The following CC2D1B variants were observed in gnomAD, a reference collection of about 807,000 sequenced individuals.
CC2D1B encodes coiled-coil and C2 domain containing 1B.
A neutral mutation model predicts 110.8 loss-of-function variants in CC2D1B; 92 were observed. The ratio of observed to expected loss-of-function variants is 0.83; its 90% confidence interval spans 0.70 to 0.99. CC2D1B has a LOEUF of 0.99. CC2D1B is among the 50% of genes least tolerant of loss of function. CC2D1B has a pLI of 0.00. For missense variants in CC2D1B, 1,136 were observed against 1,089.0 expected, an observed-to-expected ratio of 1.04 and a Z score of -0.61; for synonymous variants, 406 against 429.2, an observed-to-expected ratio of 0.95 and a Z score of 0.67.
chr1:52,353,381 G>A (rs1311377252), intron 24 of CC2D1B, 137 bp downstream of exon 24: 2 of 1,515,950 alleles, frequency 1.3e-6, no homozygotes, highest in Non-Finnish European at 8.8e-7. Flanking sequence ...CAGAAACTCA[G>A]CCCATAAGCC....
chr1:52,364,519 C>G (rs769001446), intron 2 of CC2D1B, 33 bp downstream of exon 2: 1 of 1,514,424 alleles, frequency 6.6e-7, no homozygotes, highest in Non-Finnish European at 9.0e-7. Flanking sequence ...ATCCCCAAAC[C>G]GACCCAGTAG....
chr1:52,354,621 C>A lies in CC2D1B; in HGVS notation c.2417G>T (p.Arg806Ile). 6.2e-7 allele frequency: 1 copy of A among 1,614,234 alleles called. No homozygotes were observed. Among genetic ancestry groups the A allele is most frequent in the Non-Finnish European group, 8.5e-7 (1 of 1,180,042 alleles). Reference sequence around the variant, plus strand: ...CCCAGCCCCTACCTCCACAATTTCTCTGATCTCACACTCATTCTCCAGCCG... The same window carrying A: ...CCCAGCCCCTACCTCCACAATTTCTATGATCTCACACTCATTCTCCAGCCG... ...LERLENECEI[R>I]EIVEVLDGRK... Residue 806 changes from arginine (R) to isoleucine (I), a missense_variant, in exon 23 of 25, where the codon AGA becomes ATA. Coordinates refer to ENST00000284376, the MANE Select transcript of CC2D1B (RefSeq NM_001330585.2).
At chr1:52,355,266 G>T in intron 21 of CC2D1B, 132 bp downstream of exon 21, 1 of 922,178 alleles carries the variant, frequency 1.1e-6, no homozygotes, top group Non-Finnish European at 1.7e-6. Context: ...TACAGAAGAA[G>T]CATGTTAACA....
rs755076990 is a variant in CC2D1B, at chr1:52,357,046, C to T, written c.1833G>A (p.Glu611=). Residue 611 remains glutamate (E), a synonymous_variant, in exon 16 of 25, where the codon GAG becomes GAA. Transcript: ENST00000284376. The stretch of plus-strand genomic sequence containing the variant: ...TTTTTTGCAGCTGGGCATACACCTC[C>T]TCCGCCTTCTGGGAGAGTCGCAGGT... ...HEDLRLSQKA[E]EVYAQLQKML... 4 of 1,595,402 alleles carry T rather than the reference C, an allele frequency of 2.5e-6. No individual in the cohort carries two copies. Among genetic ancestry groups the T allele is most frequent in the South Asian group, 2.3e-5 (2 of 88,468 alleles).
rs955555342 is a variant in CC2D1B at position 52,351,115 on chromosome 1, C to G, written c.*2110G>C. Reference sequence around the variant, plus strand: ...GACAGGCTCCTCCTACTACCAGTGACGCATGCATGCCTTTGGCTACAACAA... The same window carrying G: ...GACAGGCTCCTCCTACTACCAGTGAGGCATGCATGCCTTTGGCTACAACAA... On this transcript the variant is annotated 3_prime_UTR_variant, in exon 25 of 25. Transcript: ENST00000284376. 1.3e-5 allele frequency: 2 copies of G among 152,190 alleles called. No homozygotes were observed. The highest frequency in any genetic ancestry group is 2.9e-5 in the Non-Finnish European group (2 of 68,044). The allele number at this position is 152,190 out of a possible 1,614,324, so 9.4% of individuals were successfully genotyped here.
intron 21 of CC2D1B, 37 bp from the exon 22 acceptor site, chr1:52,354,976 C>T: frequency 6.5e-7 from 1 of 1,544,554 alleles, no homozygotes; most frequent in Non-Finnish European, 9.0e-7. Context: ...GGGCTTGGCT[C>T]TCGGGATTTC....
rs147976700 is a variant in CC2D1B at position 52,351,418 on chromosome 1, A to G, written c.*1807T>C. The G allele has an allele frequency of 9.9e-5, 15 of 152,280 alleles. No individual in the cohort carries two copies. Among genetic ancestry groups the G allele is most frequent in the Non-Finnish European group, 1.9e-4 (13 of 68,020 alleles). The allele number at this position is 152,280 out of a possible 1,614,324, so 9.4% of individuals were successfully genotyped here. On this transcript the variant is annotated 3_prime_UTR_variant, in exon 25 of 25. Transcript: ENST00000284376. ...AAGCACTGGGTTGGATACACACCCTAAGGGGAGTAGGTTGGGTTAGGAACC... is the reference window on the plus strand; with the variant it reads ...AAGCACTGGGTTGGATACACACCCTGAGGGGAGTAGGTTGGGTTAGGAACC...
rs958446006 is a variant in CC2D1B, at chr1:52,360,858, G to A, written c.477+116C>T. The A allele has an allele frequency of 2.3e-6, 3 of 1,308,840 alleles. No homozygotes were observed. In the African/African-American group the frequency reaches 4.4e-5, roughly 19 times the overall value. The allele number at this position is 1,308,840 out of a possible 1,614,324, so 81.1% of individuals were successfully genotyped here. On this transcript the variant is annotated intron_variant, in intron 5 of 24. Coordinates refer to ENST00000284376, the MANE Select transcript of CC2D1B (RefSeq NM_001330585.2). ...TCAGTTTCTGCTTGGGGCGGCTGCT[G>A]GGGGAGGGTCCTGGAAAGGGTGACT...
chr1:52,358,069 A>G, intron 13 of CC2D1B, 171 bp from the exon 14 acceptor site: 1 of 1,040,394 alleles, frequency 9.6e-7, no homozygotes, highest in Non-Finnish European at 1.3e-6. Context: ...CAGCCTCAGA[A>G]GCTCTCACAT....
intron 16 of CC2D1B, 145 bp from the exon 17 acceptor site, chr1:52,356,587 C>T (rs1646657715): frequency 1.3e-6 from 1 of 769,468 alleles, no homozygotes; most frequent in Non-Finnish European, 2.1e-6. Context: ...GGCACTACTC[C>T]CAAGTCCCAC....
At chr1:52,363,300 CAGG>C (rs1363136243) in intron 2 of CC2D1B, among the ~76,000 whole-genome samples, 3 of 149,992 alleles carry the variant, frequency 2.0e-5, no homozygotes, top group African/African-American at 7.4e-5. Flanking sequence ...GAGGCTGAGG[CAGG>C]AGAATGGCGT....
intron 17 of CC2D1B, 41 bp from the exon 18 acceptor site, chr1:52,356,343 G>C: frequency 1.2e-6 from 2 of 1,613,776 alleles, no homozygotes; most frequent in Non-Finnish European, 1.7e-6. Context: ...TGGATTTTCT[G>C]CTCCCCACCC....
Position 52,354,773 on chromosome 1 carries a change from G to T in CC2D1B, c.2339+67C>A, listed in dbSNP as rs1646608343. The T allele has an allele frequency of 1.9e-6, 3 of 1,597,402 alleles. No individual in the cohort carries two copies. The South Asian group carries it at 3.3e-5, about 18-fold the overall frequency. ...AATGTGCTGGCTGAGCCCATGCAGG[G>T]GCAGCAGTGACAAACGCTCTTCCCT... On this transcript the variant is annotated intron_variant, in intron 22 of 24. Transcript: ENST00000284376.
chr1:52,361,614 G>C lies in CC2D1B; in HGVS notation c.217C>G (p.Pro73Ala), dbSNP rs534233069. ...TTCTCGATGTGGGCCATGGGCAGGG[G>C]GGCTGGGGGAAAAAGGTCACAACAA... The part of the protein sequence containing the change: ...GKKPAPKGQA[P>A]LPMAHIEKLA... The change falls in exon 4 of 25, where the codon CCC becomes GCC. Residue 73 changes from proline (P) to alanine (A), a missense_variant and splice_region_variant. Coordinates refer to ENST00000284376, the MANE Select transcript of CC2D1B (RefSeq NM_001330585.2). 1 of 1,613,720 alleles carries C rather than the reference G, an allele frequency of 6.2e-7. No individual in the cohort carries two copies.
rs538885889 is a variant in CC2D1B, at chr1:52,359,037, C to A, written c.1247G>T (p.Arg416Leu). 1 of 1,606,556 alleles carries A rather than the reference C, an allele frequency of 6.2e-7. No individual in the cohort carries two copies. Among genetic ancestry groups the A allele is most frequent in the South Asian group, 1.1e-5 (1 of 91,066 alleles). Residue 416 changes from arginine (R) to leucine (L), a missense_variant, in exon 11 of 25, where the codon CGC becomes CTC. Physicochemically the swap from Arg to Leu is moderately radical, Grantham distance 102. Coordinates refer to ENST00000284376, the MANE Select transcript of CC2D1B (RefSeq NM_001330585.2). The stretch of plus-strand genomic sequence containing the variant: ...TAGCCGCGGGCCCACCTTGGCAATG[C>A]GCTCATGCATCCGAGCCTTGCGCTC... The part of the protein sequence containing the change: ...GDERKARMHE[R>L]IAKQYQDAIR...
Position 52,354,890 on chromosome 1 carries a change from G to A in CC2D1B, c.2289C>T (p.Phe763=). The A allele has an allele frequency of 6.2e-7, 1 of 1,614,178 alleles. No individual in the cohort carries two copies. The highest frequency in any genetic ancestry group is 8.5e-7 in the Non-Finnish European group (1 of 1,180,028). Residue 763 remains phenylalanine, a synonymous_variant, in exon 22 of 25, where the codon TTC becomes TTT. Transcript: ENST00000284376. ...KLNINRNHRG[F]KRVIQSKGIK... ...TGCCTTTGCTCTGGATCACCCTCTT[G>A]AAGCCCCGGTGGTTTCGGTTGATGT...
chr1:52,360,323 A>G lies in CC2D1B; in HGVS notation c.604-90T>C, dbSNP rs867829028. The G allele has an allele frequency of 6.3e-6, 10 of 1,594,740 alleles. 1 individual carries two copies. In the African/African-American group the frequency reaches 1.2e-4, roughly 19 times the overall value. ...GGCCAGGGGTGGCCCCCCAACCCCC[A>G]AAGTCTGGTGGGGTGACCTCCCCTC... On this transcript the variant is annotated intron_variant, in intron 6 of 24. Transcript: ENST00000284376.
rs75942750 is a variant in CC2D1B, at chr1:52,363,511, A to G, written c.70-765T>C. 1.6e-3 allele frequency among the ~76,000 whole-genome samples: 250 copies of G among 152,262 alleles called. 11 individuals carry two copies. The East Asian group carries it at 0.044, about 27-fold the overall frequency. Reference sequence around the variant, plus strand: ...TGAGTTCAATGGCATAAGGACATTCACAATATCCTGCTACCATCGCCATCA... The same window carrying G: ...TGAGTTCAATGGCATAAGGACATTCGCAATATCCTGCTACCATCGCCATCA... On this transcript the variant is annotated intron_variant, in intron 2 of 24. Coordinates refer to ENST00000284376, the MANE Select transcript of CC2D1B (RefSeq NM_001330585.2).
Position 52,357,681 on chromosome 1 carries a change from G to A in CC2D1B, c.1597C>T (p.Leu533=), listed in dbSNP as rs1260528150. The A allele has an allele frequency of 5.0e-6, 8 of 1,605,486 alleles. No homozygotes were observed. Among genetic ancestry groups the A allele is most frequent in the Non-Finnish European group, 6.8e-6 (8 of 1,175,952 alleles). Residue 533 remains leucine (L), a synonymous_variant, in exon 15 of 25, where the codon CTG becomes TTG. Coordinates refer to ENST00000284376, the MANE Select transcript of CC2D1B (RefSeq NM_001330585.2). ...TACTGCAGTTTCCGTGCCTCCAGCAGTGCCAGCTGCTCCCGCACTGAAGGG... is the reference window on the plus strand; with the variant it reads ...TACTGCAGTTTCCGTGCCTCCAGCAATGCCAGCTGCTCCCGCACTGAAGGG... The part of the protein sequence containing the change: ...PSPSVREQLA[L]LEARKLQYQR...
Sources: allele counts gnomAD v4.1 joint callset (sites outside exome capture counted in the v4.1 genomes callset), GRCh38; gene constraint gnomAD v4.1.1; transcripts MANE v1.5; gene names NCBI Gene and HGNC (gene_info 2026-07-23, HGNC 2026-07-21).